FIG4: variants seen among roughly 807,000 people sequenced by gnomAD.
The protein encoded by FIG4 is polyphosphoinositide phosphatase.
A neutral mutation model predicts 118.6 loss-of-function variants in FIG4; 112 were observed. That is an observed-to-expected ratio of 0.94 (90% confidence interval 0.81 to 1.11). The LOEUF is 1.11. FIG4 is among the 50% of genes least tolerant of loss of function. The pLI is 0.00. For synonymous variants in FIG4, 369 were observed against 381.2 expected, an observed-to-expected ratio of 0.97 and a Z score of 0.37; for missense variants, 969 against 1,111.7, an observed-to-expected ratio of 0.87 and a Z score of 1.83.
chr6:109,814,588 A>G (rs532109547), intron 22 of FIG4, among the ~76,000 whole-genome samples: 2 of 151,804 alleles, frequency 1.3e-5, no homozygotes, highest in Non-Finnish European at 2.9e-5. Flanking sequence ...CATTTTTTTC[A>G]TTGTTTTTCT....
intron 10 of FIG4, among the ~76,000 whole-genome samples, chr6:109,756,053 A>G (rs1164500107): frequency 1.3e-5 from 2 of 152,228 alleles, no homozygotes; most frequent in African/African-American, 4.8e-5. Flanking sequence ...ACATTTTGAC[A>G]TGATTTTGCA....
chr6:109,735,538 C>G (rs752177698), intron 6 of FIG4, among the ~76,000 whole-genome samples: 1 of 152,032 alleles, frequency 6.6e-6, no homozygotes, highest in African/African-American at 2.4e-5. Context: ...CAATTATTCA[C>G]GTACTTTTTA....
chr6:109,756,742 T>C (rs1434376218), intron 10 of FIG4, among the ~76,000 whole-genome samples: 2 of 152,238 alleles, frequency 1.3e-5, no homozygotes, highest in African/African-American at 2.4e-5. Context: ...TCCTGAGGCT[T>C]CTGCATTCTT....
rs746059182 is a variant in FIG4, at chr6:109,825,273, G to A, written c.*8G>A. On this transcript the variant is annotated 3_prime_UTR_variant, in exon 23 of 23. Transcript: ENST00000230124. Reference sequence around the variant, plus strand: ...AGGAACCGCTACCTGTGAAAAGAGCGCAGGTCCACCTGGTGGACACGTCTG... The same window carrying A: ...AGGAACCGCTACCTGTGAAAAGAGCACAGGTCCACCTGGTGGACACGTCTG... The A allele has an allele frequency of 3.3e-5, 53 of 1,611,984 alleles. No individual in the cohort carries two copies. Among genetic ancestry groups the A allele is most frequent in the South Asian group, 4.4e-5 (4 of 91,036 alleles).
intron 1 of FIG4, among the ~76,000 whole-genome samples, chr6:109,707,522 A>G (rs1360795248): frequency 6.6e-6 from 1 of 151,428 alleles, no homozygotes; most frequent in Non-Finnish European, 1.5e-5. Context: ...TTAAAACAGT[A>G]TATCCAAGTG....
rs1777287825 is a variant in FIG4, at chr6:109,766,647, A to C, written c.1584-82A>C. On this transcript the variant is annotated intron_variant, in intron 14 of 22. Coordinates refer to ENST00000230124, the MANE Select transcript of FIG4 (RefSeq NM_014845.6). ...GGCTCAGAAGAATTTTTAAAGTATAAGACTTGTTTGGAGTTTGGCTAAGTG... is the reference window on the plus strand; with the variant it reads ...GGCTCAGAAGAATTTTTAAAGTATACGACTTGTTTGGAGTTTGGCTAAGTG... 2.0e-5 allele frequency: 24 copies of C among 1,183,522 alleles called. No homozygotes were observed. The Middle Eastern group carries it at 5.9e-4, about 29-fold the overall frequency. 73.3% of individuals were successfully genotyped at this position (1,183,522 alleles called of 1,614,324 possible). A position where few individuals can be genotyped will look rare whatever the true frequency, so the allele number is the denominator to read the frequency against.
chr6:109,770,116 A>G (rs1036966163), intron 15 of FIG4, among the ~76,000 whole-genome samples: 1 of 152,186 alleles, frequency 6.6e-6, no homozygotes, highest in African/African-American at 2.4e-5. Flanking sequence ...TTTTAATATA[A>G]CTAGTTACAT....
intron 22 of FIG4, among the ~76,000 whole-genome samples, chr6:109,817,371 T>C (rs1778889310): frequency 6.6e-6 from 1 of 152,198 alleles, no homozygotes; most frequent in African/African-American, 2.4e-5. Context: ...AGAGAAAAGC[T>C]GCACTTCTTT....
chr6:109,800,135 G>A (rs1011703536), intron 22 of FIG4, among the ~76,000 whole-genome samples: 1 of 152,012 alleles, frequency 6.6e-6, no homozygotes, highest in African/African-American at 2.4e-5. Flanking sequence ...AGCAAGTAGA[G>A]GAACCAGGAT....
chr6:109,720,392 A>G (rs1357034433), intron 3 of FIG4, among the ~76,000 whole-genome samples: 3 of 152,206 alleles, frequency 2.0e-5, no homozygotes, highest in Non-Finnish European at 4.4e-5. Flanking sequence ...TATTTTCTTC[A>G]CTAACTTTTT....
chr6:109,817,619 T>C (rs916790635), intron 22 of FIG4, among the ~76,000 whole-genome samples: 7 of 149,318 alleles, frequency 4.7e-5, no homozygotes, highest in African/African-American at 1.7e-4. Flanking sequence ...CAACATGAAA[T>C]ATCAATGGCA....
At chr6:109,796,734 T>G (rs1226376147) in intron 21 of FIG4, 31 bp from the exon 22 acceptor site, 1 of 1,317,752 alleles carries the variant, frequency 7.6e-7, no homozygotes. Flanking sequence ...ACTCCCTTCT[T>G]TAGCTGACTC....
intron 3 of FIG4, among the ~76,000 whole-genome samples, chr6:109,719,752 A>T (rs1458341388): frequency 6.6e-6 from 1 of 151,832 alleles, no homozygotes; most frequent in Non-Finnish European, 1.5e-5. Context: ...GGGCTGTTTG[A>T]CTTTACATTA....
chr6:109,781,107 C>G (rs58193375), intron 16 of FIG4, among the ~76,000 whole-genome samples: 3 of 152,210 alleles, frequency 2.0e-5, no homozygotes, highest in Non-Finnish European at 4.4e-5. Flanking sequence ...CTATGCTTGA[C>G]AAGTTCTTGT....
chr6:109,745,209 A>G (rs894607497), intron 10 of FIG4, among the ~76,000 whole-genome samples: 1 of 152,188 alleles, frequency 6.6e-6, no homozygotes, highest in Admixed American at 6.5e-5. Flanking sequence ...TCCTTGAGGA[A>G]TCGTCACACT....
At chr6:109,727,392 AC>A in intron 4 of FIG4, 127 bp downstream of exon 4, 6 of 743,574 alleles carry the variant, frequency 8.1e-6, no homozygotes, top group South Asian at 1.5e-5. Flanking sequence ...AGGCTCAAGT[AC>A]TTTTTTTTAA....
Position 109,750,231 on chromosome 6 carries a change from A to G in FIG4, c.1137+6459A>G, listed in dbSNP as rs181772125. On this transcript the variant is annotated intron_variant, in intron 10 of 22. Coordinates refer to ENST00000230124, the MANE Select transcript of FIG4 (RefSeq NM_014845.6). Reference sequence around the variant, plus strand: ...GTTTGCAGCAATCCATGTGCCTTCAATGCTGCTACTGTATCAACAGAAGGC... The same window carrying G: ...GTTTGCAGCAATCCATGTGCCTTCAGTGCTGCTACTGTATCAACAGAAGGC... Among the ~76,000 whole-genome samples, 280 of 152,338 alleles carry G rather than the reference A, an allele frequency of 1.8e-3. 2 individuals are homozygous for G. Among genetic ancestry groups the G allele is most frequent in the East Asian group, 7.3e-3 (38 of 5,176 alleles).
intron 1 of FIG4, among the ~76,000 whole-genome samples, chr6:109,694,383 C>G (rs934802032): frequency 3.9e-5 from 6 of 152,124 alleles, no homozygotes; most frequent in African/African-American, 1.4e-4. Context: ...AACTGGATAT[C>G]CATGTGCAGA....
chr6:109,750,034 C>A (rs1417249806), intron 10 of FIG4, among the ~76,000 whole-genome samples: 1 of 152,128 alleles, frequency 6.6e-6, no homozygotes, highest in Non-Finnish European at 1.5e-5. Context: ...GATTAAAGAG[C>A]CAAAGAATAC....
Sources: allele counts gnomAD v4.1 joint callset (sites outside exome capture counted in the v4.1 genomes callset), GRCh38; gene constraint gnomAD v4.1.1; transcripts MANE v1.5; gene names NCBI Gene and HGNC (gene_info 2026-07-23, HGNC 2026-07-21).